NR3C1: variants seen among roughly 807,000 people sequenced by gnomAD.
The protein encoded by NR3C1 is glucocorticoid receptor.
NR3C1 carries 14 observed loss-of-function variants against 74.0 expected under a neutral mutation model. The observed-to-expected ratio is 0.19, with a 90% CI of 0.12 to 0.30. The LOEUF is 0.30. Among genes scored for constraint, NR3C1 ranks in the 10% least tolerant of loss-of-function variants. The pLI is 1.00. For missense variants in NR3C1, 695 were observed against 909.8 expected (o/e 0.76, Z 3.04); for synonymous variants, 308 against 332.5 (o/e 0.93, Z 0.80).
chr5:143,411,917 C>T (rs1253029280), intron 1 of NR3C1, among the ~76,000 whole-genome samples: 4 of 151,772 alleles, frequency 2.6e-5, no homozygotes, highest in Non-Finnish European at 4.4e-5. Flanking sequence ...GGAAAGATGA[C>T]GAAGTTTGTA....
chr5:143,309,484 G>A lies in NR3C1; in HGVS notation c.1468+613C>T, dbSNP rs777992465. On this transcript the variant is annotated intron_variant, in intron 4 of 8. Transcript: ENST00000394464. Reference sequence around the variant, plus strand: ...ATATTTGGAGCGCTTTGAGGCCTACGGTGGAAAAGGTAATATCTTCACATA... The same window carrying A: ...ATATTTGGAGCGCTTTGAGGCCTACAGTGGAAAAGGTAATATCTTCACATA... Among the ~76,000 whole-genome samples, 6 of 152,106 alleles carry A rather than the reference G, an allele frequency of 3.9e-5. 1 individual carries two copies. The highest frequency in any genetic ancestry group is 6.5e-5 in the Admixed American group (1 of 15,282).
chr5:143,427,753 G>C (rs913072177), intron 1 of NR3C1, among the ~76,000 whole-genome samples: 3 of 152,176 alleles, frequency 2.0e-5, no homozygotes, highest in African/African-American at 7.2e-5. Flanking sequence ...GTAGTGGCTA[G>C]GTATCCACAC....
At chr5:143,299,059 G>A (rs1324690057) in intron 5 of NR3C1, among the ~76,000 whole-genome samples, 1 of 139,928 alleles carries the variant, frequency 7.1e-6, no homozygotes, top group Non-Finnish European at 1.5e-5. Context: ...CTGTCACCCA[G>A]GCTGGAGTGC....
At chr5:143,324,917 C>G (rs937772311) in intron 2 of NR3C1, among the ~76,000 whole-genome samples, 1 of 152,114 alleles carries the variant, frequency 6.6e-6, no homozygotes, top group African/African-American at 2.4e-5. Context: ...TGCTCCAGTT[C>G]CCAAAAAGTT....
At chr5:143,379,811 G>C (rs191303212) in intron 2 of NR3C1, among the ~76,000 whole-genome samples, 1 of 152,140 alleles carries the variant, frequency 6.6e-6, no homozygotes, top group East Asian at 1.9e-4. Context: ...CAGCAGATAC[G>C]CTGAATGTGC....
At chr5:143,353,728 G>A (rs1015249446) in intron 2 of NR3C1, among the ~76,000 whole-genome samples, 2 of 152,122 alleles carry the variant, frequency 1.3e-5, no homozygotes, top group Non-Finnish European at 2.9e-5. Flanking sequence ...TCCAGGCTTT[G>A]TTGTTTCATT....
Position 143,339,549 on chromosome 5 carries a change from T to A in NR3C1, c.1185-25381A>T, listed in dbSNP as rs10477206. ...GAATGTTCCCTTTTTCAAAATCCTT[T>A]AATTTGATAAATGCATTATTTTTCT... is the stretch of plus-strand genomic sequence containing the variant. On this transcript the variant is annotated intron_variant, in intron 2 of 8. Coordinates refer to ENST00000394464, the MANE Select transcript of NR3C1 (RefSeq NM_000176.3). Among the ~76,000 whole-genome samples, 676 of 152,332 alleles carry A rather than the reference T, an allele frequency of 4.4e-3. 2 individuals are homozygous for A. The highest frequency in any genetic ancestry group is 0.015 in the African/African-American group (643 of 41,576).
intron 7 of NR3C1, 113 bp from the exon 8 acceptor site, chr5:143,282,838 G>A: frequency 8.5e-7 from 1 of 1,178,662 alleles, no homozygotes; most frequent in Non-Finnish European, 1.2e-6. Context: ...GGAGTGCAGT[G>A]GCATAATCAT....
chr5:143,338,670 AAGG>A (rs749979666), intron 2 of NR3C1, among the ~76,000 whole-genome samples: 8 of 152,224 alleles, frequency 5.3e-5, no homozygotes, highest in Non-Finnish European at 1.2e-4. Context: ...TGTTACTAAA[AAGG>A]AGTCAAAATG....
intron 2 of NR3C1, among the ~76,000 whole-genome samples, chr5:143,348,712 TATC>T (rs1364185866): frequency 1.3e-5 from 2 of 152,194 alleles, no homozygotes; most frequent in African/African-American, 4.8e-5. Context: ...AAAGTACATG[TATC>T]ATAAGTTTTG....
chr5:143,376,374 C>G (rs1300799635), intron 2 of NR3C1, among the ~76,000 whole-genome samples: 3 of 152,200 alleles, frequency 2.0e-5, no homozygotes, highest in Non-Finnish European at 4.4e-5. Context: ...CAGAGCACCT[C>G]TTTACTTCTT....
At chr5:143,380,467 C>T (rs764099933) in intron 2 of NR3C1, among the ~76,000 whole-genome samples, 17 of 152,032 alleles carry the variant, frequency 1.1e-4, no homozygotes, top group Non-Finnish European at 2.1e-4. Flanking sequence ...TGTTAGTATT[C>T]TCTTTAAGAA....
At chr5:143,299,501 A>AC (rs1561505242) in intron 5 of NR3C1, among the ~76,000 whole-genome samples, 1 of 152,196 alleles carries the variant, frequency 6.6e-6, no homozygotes, top group Non-Finnish European at 1.5e-5. Context: ...GGGTGCAAAA[A>AC]TACAGTTAGA....
chr5:143,327,994 T>C (rs780096888), intron 2 of NR3C1, among the ~76,000 whole-genome samples: 7 of 152,230 alleles, frequency 4.6e-5, no homozygotes, highest in Non-Finnish European at 8.8e-5. Context: ...TCCAACCCCA[T>C]ATTTCCCTTC....
At chr5:143,432,741 G>A (rs1341035552) in intron 1 of NR3C1, among the ~76,000 whole-genome samples, 1 of 152,094 alleles carries the variant, frequency 6.6e-6, no homozygotes, top group East Asian at 1.9e-4. Context: ...AGCTGCCCTT[G>A]GAAGCCTTCA....
In NR3C1 at chr5:143,396,950, T is replaced by C. The variant is rs371526349; in HGVS notation, c.1184+2706A>G. On this transcript the variant is annotated intron_variant, in intron 2 of 8. Coordinates refer to ENST00000394464, the MANE Select transcript of NR3C1 (RefSeq NM_000176.3). ...AAGTTTATGCTAAATGTACTGAACTTCAGTATTTTTAAAAGCATATTAAGT... is the reference window on the plus strand; with the variant it reads ...AAGTTTATGCTAAATGTACTGAACTCCAGTATTTTTAAAAGCATATTAAGT... Among the ~76,000 whole-genome samples the C allele has an allele frequency of 8.1e-4, 123 of 151,928 alleles. No homozygotes were observed. The South Asian group carries it at 0.013, about 16-fold the overall frequency.
At chr5:143,345,489 C>T (rs1239877129) in intron 2 of NR3C1, among the ~76,000 whole-genome samples, 2 of 152,198 alleles carry the variant, frequency 1.3e-5, no homozygotes, top group African/African-American at 2.4e-5. Context: ...GGATTACAGA[C>T]GTGAGCCACT....
At chr5:143,298,846 C>G in intron 5 of NR3C1, 34 bp from the exon 6 acceptor site, 1 of 1,605,840 alleles carries the variant, frequency 6.2e-7, no homozygotes, top group Non-Finnish European at 8.5e-7. Flanking sequence ...TGAGGCAACA[C>G]TCTTCAGAAG....
Position 143,400,603 on chromosome 5 carries a change from G to C in NR3C1, c.237C>G (p.Ser79=). Residue 79 remains serine (S), a synonymous_variant, in exon 2 of 9, where the codon TCC becomes TCG. Transcript: ENST00000394464. ...GTCCCATTGAGAGTGAAACTGCTTT[G>C]GACAGATCTGGCTGCTGCGCATTGC... is the stretch of plus-strand genomic sequence containing the variant. ...SVSNAQQPDL[S]KAVSLSMGLY... 6.2e-7 allele frequency: 1 copy of C among 1,614,172 alleles called. No homozygotes were observed. Among genetic ancestry groups the C allele is most frequent in the South Asian group, 1.1e-5 (1 of 91,088 alleles).
Sources: gnomAD v4.1 joint callset for allele counts (sites outside exome capture counted in the v4.1 genomes callset) on GRCh38, gnomAD v4.1.1 for gene constraint, MANE v1.5 for transcripts, NCBI Gene and HGNC (gene_info 2026-07-23, HGNC 2026-07-21) for gene names.